The following JMJD1C variants were observed in gnomAD, a reference collection of about 807,000 sequenced individuals.
The protein encoded by JMJD1C is jumonji domain-containing protein 1C.
Under a neutral mutation model 245.3 loss-of-function variants are expected in JMJD1C, and 31 were observed. The ratio of observed to expected loss-of-function variants is 0.13; its 90% CI spans 0.09 to 0.17. The LOEUF (loss-of-function observed/expected upper bound fraction) is 0.17, where lower values mean the gene tolerates loss of function less well. JMJD1C is among the 10% of genes least tolerant of loss of function. The probability of loss-of-function intolerance (pLI) is 1.00; values close to 1 mark genes in which losing one functional copy is unlikely to be tolerated. For synonymous variants in JMJD1C, 1,057 were observed against 1,017.4 expected, an observed-to-expected ratio of 1.04 and a Z score of -0.74; for missense variants, 2,691 against 3,000.2, an observed-to-expected ratio of 0.90 and a Z score of 2.41.
intron 2 of JMJD1C, among the ~76,000 whole-genome samples, chr10:63,304,371 T>A (rs1036155841): frequency 6.6e-6 from 1 of 152,042 alleles, no homozygotes; most frequent in South Asian, 2.1e-4. Context: ...GCTGGCTACA[T>A]CTGAGAGAAT....
At chr10:63,422,270 T>C (rs186866489) in intron 1 of JMJD1C, among the ~76,000 whole-genome samples, 5 of 152,086 alleles carry the variant, frequency 3.3e-5, no homozygotes, top group African/African-American at 9.6e-5. Flanking sequence ...AAATCAGCCA[T>C]GTGTGGTGGT....
At position 63,246,093 on chromosome 10, in the gene JMJD1C, A is replaced by G. The variant is rs148073462; in HGVS notation, c.447+18558T>C. Among the ~76,000 whole-genome samples, 769 of 152,362 alleles carry G rather than the reference A, an allele frequency of 5.0e-3. 6 individuals are homozygous for G. The highest frequency in any genetic ancestry group is 0.018 in the African/African-American group (739 of 41,590). On this transcript the variant is annotated intron_variant, in intron 3 of 25. Transcript: ENST00000399262. Reference sequence around the variant, plus strand: ...CTAAAAGACATATACAAAATTACCTAAAAAGACCAAATCTAAGAATTATTG... The same window carrying G: ...CTAAAAGACATATACAAAATTACCTGAAAAGACCAAATCTAAGAATTATTG...
At chr10:63,453,783 G>C (rs992491229) in intron 1 of JMJD1C, among the ~76,000 whole-genome samples, 1 of 152,272 alleles carries the variant, frequency 6.6e-6, no homozygotes, top group East Asian at 1.9e-4. Flanking sequence ...CTGTTGCCCA[G>C]GTTGAAGGAC....
At chr10:63,292,144 A>ATTTTTTTTTTTTTTTTTTTGTT (rs1858847928) in intron 2 of JMJD1C, among the ~76,000 whole-genome samples, 1 of 56,326 alleles carries the variant, frequency 1.8e-5, no homozygotes, top group Non-Finnish European at 3.2e-5. Flanking sequence ...GTAGAGACAG[A>ATTTTTTTTTTTTTTTTTTTGTT]TTTTTTTTTT....
chr10:63,182,974 G>A (rs1229001509), intron 22 of JMJD1C, among the ~76,000 whole-genome samples: 1 of 152,080 alleles, frequency 6.6e-6, no homozygotes, highest in Non-Finnish European at 1.5e-5. Context: ...CGATTCTCCT[G>A]CCTCAGCCTC....
At chr10:63,421,283 G>A (rs999856380) in intron 1 of JMJD1C, among the ~76,000 whole-genome samples, 24 of 152,172 alleles carry the variant, frequency 1.6e-4, no homozygotes, top group Admixed American at 1.3e-3. Context: ...GAGGTGAGCC[G>A]AGATCGCCCC....
intron 11 of JMJD1C, among the ~76,000 whole-genome samples, chr10:63,199,245 G>A (rs1845764666): frequency 6.6e-6 from 1 of 152,118 alleles, no homozygotes; most frequent in Non-Finnish European, 1.5e-5. Flanking sequence ...CCCCATTAAT[G>A]TGCTTACTTG....
At chr10:63,309,157 G>A (rs568759136) in intron 2 of JMJD1C, among the ~76,000 whole-genome samples, 7 of 152,150 alleles carry the variant, frequency 4.6e-5, no homozygotes, top group African/African-American at 1.4e-4. Context: ...CCACCAAAAC[G>A]ACAGAGTAAA....
intron 2 of JMJD1C, among the ~76,000 whole-genome samples, chr10:63,321,195 C>G (rs1252301664): frequency 6.6e-6 from 1 of 152,188 alleles, no homozygotes; most frequent in African/African-American, 2.4e-5. Context: ...TCATTTGTAT[C>G]CTTTAAAATA....
intron 1 of JMJD1C, among the ~76,000 whole-genome samples, chr10:63,517,852 G>C (rs942478729): frequency 7.1e-6 from 1 of 140,178 alleles, no homozygotes; most frequent in African/African-American, 2.7e-5. Flanking sequence ...GAGTGCAGTG[G>C]TGCAATCTCA....
chr10:63,519,108 G>T (rs762955780), intron 1 of JMJD1C, among the ~76,000 whole-genome samples: 3 of 152,142 alleles, frequency 2.0e-5, no homozygotes, highest in African/African-American at 7.2e-5. Context: ...GGCCTATTGA[G>T]ATGTGAAAAA....
chr10:63,222,624 T>A (rs1033845369), intron 3 of JMJD1C: 1 of 1,587,302 alleles, frequency 6.3e-7, no homozygotes, highest in African/African-American at 1.3e-5. Flanking sequence ...CATGCTGAAT[T>A]TTTGGACATA....
chr10:63,443,210 AG>A (rs1197427212), intron 1 of JMJD1C, among the ~76,000 whole-genome samples: 1 of 152,228 alleles, frequency 6.6e-6, no homozygotes, highest in African/African-American at 2.4e-5. Context: ...GGGGTGAGGT[AG>A]GAAGTAAGGG....
At chr10:63,308,609 G>GAA (rs58302652) in intron 2 of JMJD1C, among the ~76,000 whole-genome samples, 2,636 of 129,736 alleles carry the variant, frequency 0.02, 75 homozygotes, top group African/African-American at 0.069. Context: ...GCTGCTATAG[G>GAA]AAAAAAAAAA....
chr10:63,272,947 T>G (rs867082480), intron 2 of JMJD1C, among the ~76,000 whole-genome samples: 1 of 152,172 alleles, frequency 6.6e-6, no homozygotes, highest in African/African-American at 2.4e-5. Context: ...AACCATACAA[T>G]TGCCTCAAAA....
chr10:63,364,208 T>G (rs1290625399), intron 2 of JMJD1C, among the ~76,000 whole-genome samples: 1 of 151,922 alleles, frequency 6.6e-6, no homozygotes, highest in Non-Finnish European at 1.5e-5. Context: ...GAGGACTTAC[T>G]ATGTTGCCCA....
intron 1 of JMJD1C, among the ~76,000 whole-genome samples, chr10:63,394,454 C>T (rs376789875): frequency 6.6e-6 from 1 of 152,136 alleles, no homozygotes; most frequent in Non-Finnish European, 1.5e-5. Flanking sequence ...CAGACTTACA[C>T]GTATAAGGTA....
chr10:63,459,759 A>G (rs1355614452), intron 1 of JMJD1C, among the ~76,000 whole-genome samples: 10 of 152,220 alleles, frequency 6.6e-5, no homozygotes, highest in South Asian at 6.2e-4. Context: ...ATTACCATGT[A>G]TATCAGTTAA....
intron 1 of JMJD1C, among the ~76,000 whole-genome samples, chr10:63,444,296 T>TA (rs1353980989): frequency 6.6e-6 from 1 of 151,982 alleles, no homozygotes; most frequent in African/African-American, 2.4e-5. Flanking sequence ...TATTTTGAGA[T>TA]AGAGTCTCAC....
Sources: gnomAD v4.1 joint callset for allele counts (sites outside exome capture counted in the v4.1 genomes callset) on GRCh38, gnomAD v4.1.1 for gene constraint, MANE v1.5 for transcripts, NCBI Gene and HGNC (gene_info 2026-07-23, HGNC 2026-07-21) for gene names.